The following MUCL1 variants were observed in gnomAD, a reference collection of about 807,000 sequenced individuals.
MUCL1 encodes mucin-like protein 1.
A neutral mutation model predicts 9.2 loss-of-function variants in MUCL1; 11 were observed. The ratio of observed to expected loss-of-function variants is 1.19; its 90% CI spans 0.75 to 1.97. The LOEUF (loss-of-function observed/expected upper bound fraction) is 1.97. MUCL1 is among the 30% of genes most tolerant of loss of function. The probability of loss-of-function intolerance (pLI) is 0.00; values close to 1 mark genes in which losing one functional copy is unlikely to be tolerated. For missense variants in MUCL1, 144 were observed against 110.9 expected (o/e 1.30, Z -1.34); for synonymous variants, 48 against 40.5 (o/e 1.19, Z -0.71).
Position 54,845,786 on chromosome 12 carries a change from C to T in MUCL1, c.43+6339C>T, listed in dbSNP as rs115688997. Among the ~76,000 whole-genome samples, 1,467 of 152,188 alleles carry T rather than the reference C, an allele frequency of 9.6e-3. 22 individuals are homozygous for T. The highest frequency in any genetic ancestry group is 0.034 in the African/African-American group (1,404 of 41,512). Reference sequence around the variant, plus strand: ...GCTAAATATTTAGTGTATGTTTTAGCCAAAATTTTCTTACATACCTACAGT... The same window carrying T: ...GCTAAATATTTAGTGTATGTTTTAGTCAAAATTTTCTTACATACCTACAGT... On this transcript the variant is annotated intron_variant, in intron 1 of 3. Transcript: ENST00000546809.
At chr12:54,837,673 G>A (rs1444836844), upstream of MUCL1, among the ~76,000 whole-genome samples, 1 of 152,168 alleles carries the variant, frequency 6.6e-6, no homozygotes, top group African/African-American at 2.4e-5. Context: ...GGAGGCTGAG[G>A]CAGGAGAATG....
chr12:54,842,229 G>T (rs1461400183), intron 1 of MUCL1, among the ~76,000 whole-genome samples: 3 of 151,510 alleles, frequency 2.0e-5, no homozygotes, highest in Non-Finnish European at 4.4e-5. Context: ...CTATTTACTT[G>T]GTTACATTGC....
At position 54,858,247 on chromosome 12, in the gene MUCL1, GA is replaced by G. The variant is rs1868315811; in HGVS notation, c.*7del. The G allele has an allele frequency of 6.2e-7, 1 of 1,613,310 alleles. No homozygotes were observed. Among genetic ancestry groups the G allele is most frequent in the Non-Finnish European group, 8.5e-7 (1 of 1,179,570 alleles). ...AATGGTAGAGTGTGTCCCTGAGATG[GA>G]ATCAGCTTGAGTCTTCTGCAATTGG... On this transcript the variant is annotated 3_prime_UTR_variant, in exon 4 of 4. Coordinates refer to ENST00000308796, the MANE Select transcript of MUCL1 (RefSeq NM_058173.3).
chr12:54,857,751 A>G (rs1868311709), intron 3 of MUCL1, among the ~76,000 whole-genome samples: 1 of 152,174 alleles, frequency 6.6e-6, no homozygotes, highest in Admixed American at 6.5e-5. Flanking sequence ...AAGAAAAAGG[A>G]TTCAAATTAC....
At chr12:54,833,126 T>G (rs1959187553) in intron 1 of MUCL1, among the ~76,000 whole-genome samples, 1 of 152,150 alleles carries the variant, frequency 6.6e-6, no homozygotes, top group Non-Finnish European at 1.5e-5. Context: ...AGAGCTGTCC[T>G]GTCCATTCTA....
rs546504281 is a variant in MUCL1, at chr12:54,840,162, G to A, written c.43+715G>A. ...GAATGTCTGCAAGGAATCCAGTGAT[G>A]TGATATGTCCTCAAGTCTCCCAGAA... On this transcript the variant is annotated intron_variant, in intron 1 of 3. Coordinates refer to the MUCL1 transcript ENST00000546809. Among the ~76,000 whole-genome samples, 10 of 152,296 alleles carry A rather than the reference G, an allele frequency of 6.6e-5. No homozygotes were observed. The South Asian group carries it at 1.9e-3, about 28-fold the overall frequency.
upstream of MUCL1, among the ~76,000 whole-genome samples, chr12:54,837,949 G>A (rs1959195918): frequency 6.6e-6 from 1 of 152,164 alleles, no homozygotes; most frequent in Admixed American, 6.5e-5. Context: ...ATTGAGACAT[G>A]AAGTAGTAGT....
At chr12:54,831,119 T>G (rs749520185) in intron 1 of MUCL1, among the ~76,000 whole-genome samples, 2 of 152,184 alleles carry the variant, frequency 1.3e-5, no homozygotes, top group Non-Finnish European at 2.9e-5. Context: ...GGCTAAACTT[T>G]GAAAATGAAA....
In MUCL1 at chr12:54,858,181, T is replaced by G. The variant is rs1266693976; in HGVS notation, c.224-12T>G. 8.7e-6 allele frequency: 14 copies of G among 1,613,270 alleles called. No individual in the cohort carries two copies. The highest frequency in any genetic ancestry group is 1.1e-5 in the Non-Finnish European group (13 of 1,179,536). On this transcript the variant is annotated splice_polypyrimidine_tract_variant and intron_variant, in intron 3 of 3. Transcript: ENST00000308796. ...TGTCGAAGCCCCTTGACAATATTTT[T>G]TTCTCTTGCAGTTTTACCCAAATGG...
At chr12:54,848,867 AT>A (rs1157220012) in intron 1 of MUCL1, among the ~76,000 whole-genome samples, 5 of 152,326 alleles carry the variant, frequency 3.3e-5, no homozygotes, top group African/African-American at 1.2e-4. Context: ...TACATATTAA[AT>A]TAAGTGTATA....
chr12:54,832,472 TA>T (rs2121476604), intron 1 of MUCL1, among the ~76,000 whole-genome samples: 2 of 152,280 alleles, frequency 1.3e-5, no homozygotes, highest in East Asian at 3.9e-4. Flanking sequence ...TTCACAATAT[TA>T]AAAGAGCTAA....
intron 1 of MUCL1, among the ~76,000 whole-genome samples, chr12:54,844,819 G>A (rs1959234604): frequency 6.6e-6 from 1 of 152,134 alleles, no homozygotes; most frequent in African/African-American, 2.4e-5. Context: ...TGTTATTACA[G>A]CATCCCAATT....
upstream of MUCL1, among the ~76,000 whole-genome samples, chr12:54,854,170 A>G (rs1868279579): frequency 6.6e-6 from 1 of 152,166 alleles, no homozygotes; most frequent in Non-Finnish European, 1.5e-5. Context: ...GACTCCTAGA[A>G]TCTATGAAAA....
upstream of MUCL1, among the ~76,000 whole-genome samples, chr12:54,834,934 A>T (rs1036841868): frequency 1.3e-5 from 2 of 152,018 alleles, no homozygotes; most frequent in Admixed American, 1.3e-4. Context: ...AATATCCATT[A>T]TGCCACTCTG....
upstream of MUCL1, among the ~76,000 whole-genome samples, chr12:54,837,691 C>A (rs1390224450): frequency 2.0e-5 from 3 of 152,156 alleles, no homozygotes; most frequent in Non-Finnish European, 4.4e-5. Context: ...ATGGCGTGAA[C>A]CCAGGAGGCG....
At chr12:54,836,555 T>G (rs1163563098), upstream of MUCL1, among the ~76,000 whole-genome samples, 1 of 152,180 alleles carries the variant, frequency 6.6e-6, no homozygotes, top group Middle Eastern at 3.2e-3. Flanking sequence ...TTCATTGATC[T>G]TTTTTGTATT....
chr12:54,835,585 T>A (rs889794400), upstream of MUCL1, among the ~76,000 whole-genome samples: 1 of 142,366 alleles, frequency 7.0e-6, no homozygotes, highest in Non-Finnish European at 1.5e-5. Context: ...TCGTGTCACG[T>A]GTCCACTTTT....
intron 1 of MUCL1, among the ~76,000 whole-genome samples, chr12:54,833,430 T>C (rs1229307168): frequency 6.6e-6 from 1 of 152,186 alleles, no homozygotes; most frequent in African/African-American, 2.4e-5. Context: ...TATTTTCAGT[T>C]CATAAAATTT....
At chr12:54,857,614 G>T (rs1868310487) in intron 3 of MUCL1, among the ~76,000 whole-genome samples, 1 of 152,082 alleles carries the variant, frequency 6.6e-6, no homozygotes, top group Non-Finnish European at 1.5e-5. Context: ...ACATTTTAAA[G>T]ATGAGGAAAT....
Sources: allele counts gnomAD v4.1 joint callset (sites outside exome capture counted in the v4.1 genomes callset), GRCh38; gene constraint gnomAD v4.1.1; transcripts MANE v1.5; gene names NCBI Gene and HGNC (gene_info 2026-07-23, HGNC 2026-07-21).